The following BNC2 variants were observed in gnomAD, a reference collection of about 807,000 sequenced individuals.
BNC2 encodes zinc finger protein basonuclin-2.
Under a neutral mutation model 76.3 loss-of-function variants are expected in BNC2, and 20 were observed. The ratio of observed to expected loss-of-function variants is 0.26; its 90% CI spans 0.18 to 0.38. BNC2 has a LOEUF of 0.38. BNC2 is among the 10% of genes least tolerant of loss of function. The pLI, the probability that BNC2 is intolerant of heterozygous loss-of-function variation, is 1.00. For missense variants in BNC2, 1,382 were observed against 1,399.8 expected (o/e 0.99, Z 0.20); for synonymous variants, 582 against 514.8 (o/e 1.13, Z -1.77).
At chr9:16,622,387 CATG>C (rs1427792521) in intron 3 of BNC2, among the ~76,000 whole-genome samples, 1 of 152,130 alleles carries the variant, frequency 6.6e-6, no homozygotes, top group Non-Finnish European at 1.5e-5. Context: ...ACTTACTAAT[CATG>C]ATGAATAAAC....
chr9:16,732,168 G>GAA (rs1824525467), intron 2 of BNC2, among the ~76,000 whole-genome samples: 2 of 31,340 alleles, frequency 6.4e-5, no homozygotes, highest in African/African-American at 2.6e-4. Flanking sequence ...AAAAAAAAAA[G>GAA]AAAAAGAAAC....
chr9:16,697,818 G>A (rs948729219), intron 3 of BNC2, among the ~76,000 whole-genome samples: 1 of 152,036 alleles, frequency 6.6e-6, no homozygotes, highest in Non-Finnish European at 1.5e-5. Context: ...GAGCTGGTAT[G>A]AGAAGCTCCT....
At chr9:16,424,211 GA>G (rs1820761553) in intron 6 of BNC2, among the ~76,000 whole-genome samples, 1 of 149,784 alleles carries the variant, frequency 6.7e-6, no homozygotes, top group African/African-American at 2.5e-5. Flanking sequence ...ACTATCTAAA[GA>G]AAGTGTTTTG....
At chr9:16,677,207 G>C (rs73417969) in intron 3 of BNC2, among the ~76,000 whole-genome samples, 3 of 152,082 alleles carry the variant, frequency 2.0e-5, no homozygotes, top group Non-Finnish European at 4.4e-5. Context: ...CAATCTGTCC[G>C]ACAGTGTCAA....
chr9:16,815,551 A>G (rs1302403316), intron 1 of BNC2, among the ~76,000 whole-genome samples: 1 of 152,224 alleles, frequency 6.6e-6, no homozygotes, highest in East Asian at 1.9e-4. Flanking sequence ...AGATAAGTCA[A>G]TGATGATAGA....
intron 3 of BNC2, chr9:16,705,079 G>A (rs977620094): frequency 1.3e-5 from 2 of 152,240 alleles, no homozygotes; most frequent in Admixed American, 6.5e-5. Context: ...CTTCATGCTA[G>A]TGGGTAAAAT....
rs539262587 is a variant in BNC2, at chr9:16,411,501, G to C, written c.*7488C>G. Reference sequence around the variant, plus strand: ...TTAAGGGGAGAAAGCTAGTATCAGCGAGCAGAACTTGTGCAATTTTGGCAA... The same window carrying C: ...TTAAGGGGAGAAAGCTAGTATCAGCCAGCAGAACTTGTGCAATTTTGGCAA... On this transcript the variant is annotated 3_prime_UTR_variant, in exon 7 of 7. Coordinates refer to ENST00000380672, the MANE Select transcript of BNC2 (RefSeq NM_017637.6). 1 of 152,654 alleles carries C rather than the reference G, an allele frequency of 6.6e-6. No individual in the cohort carries two copies. The highest frequency in any genetic ancestry group is 2.4e-5 in the African/African-American group (1 of 41,532). 9.5% of individuals were successfully genotyped at this position (152,654 alleles called of 1,614,324 possible). A position where few individuals can be genotyped will look rare whatever the true frequency, so the allele number is the denominator to read the frequency against.
chr9:16,699,912 T>C (rs1265437706), intron 3 of BNC2, among the ~76,000 whole-genome samples: 6 of 152,240 alleles, frequency 3.9e-5, no homozygotes, highest in Non-Finnish European at 7.3e-5. Context: ...CTGTAATTTC[T>C]GGTTTATAAA....
intron 3 of BNC2, among the ~76,000 whole-genome samples, chr9:16,627,483 A>G (rs1821031674): frequency 1.3e-5 from 2 of 152,338 alleles, no homozygotes; most frequent in South Asian, 2.1e-4. Flanking sequence ...GCCAATATTC[A>G]ATGCGGCTCA....
chr9:16,723,500 T>C (rs199880468), intron 3 of BNC2, among the ~76,000 whole-genome samples: 13 of 32,864 alleles, frequency 4.0e-4, no homozygotes, highest in African/African-American at 9.2e-4. Flanking sequence ...CTCAAAAAAA[T>C]TGGGGGGGGG....
intron 5 of BNC2, among the ~76,000 whole-genome samples, chr9:16,490,368 G>A (rs759666749): frequency 1.3e-5 from 2 of 151,966 alleles, no homozygotes; most frequent in African/African-American, 2.4e-5. Flanking sequence ...GCAAGGGAAC[G>A]ACCAGCCCCC....
chr9:16,526,395 T>C (rs190633173), intron 5 of BNC2, among the ~76,000 whole-genome samples: 8 of 151,826 alleles, frequency 5.3e-5, no homozygotes, highest in Non-Finnish European at 1.2e-4. Flanking sequence ...ATTTACCTCC[T>C]TGGAGGATTT....
chr9:16,841,753 C>T (rs867282594), intron 1 of BNC2, among the ~76,000 whole-genome samples: 7 of 151,864 alleles, frequency 4.6e-5, no homozygotes, highest in South Asian at 2.1e-4. Flanking sequence ...TGCATGATGA[C>T]TGCCCATTGC....
chr9:16,597,399 G>C (rs1035988400), intron 3 of BNC2, among the ~76,000 whole-genome samples: 1 of 152,132 alleles, frequency 6.6e-6, no homozygotes, highest in African/African-American at 2.4e-5. Context: ...CAGTTGTACA[G>C]TGAAATTTTA....
intron 3 of BNC2, among the ~76,000 whole-genome samples, chr9:16,720,706 G>A (rs1278059296): frequency 2.0e-5 from 3 of 151,868 alleles, no homozygotes; most frequent in Non-Finnish European, 2.9e-5. Context: ...TTTTTTAATC[G>A]GAATGATGAT....
At chr9:16,423,133 C>G (rs544785269) in intron 6 of BNC2, among the ~76,000 whole-genome samples, 4 of 152,136 alleles carry the variant, frequency 2.6e-5, no homozygotes, top group Non-Finnish European at 5.9e-5. Context: ...AACAAAGAAT[C>G]CAACAAGGAA....
intron 3 of BNC2, among the ~76,000 whole-genome samples, chr9:16,689,729 T>C (rs1823096135): frequency 6.6e-6 from 1 of 151,314 alleles, no homozygotes; most frequent in South Asian, 2.1e-4. Context: ...GTACAAGCAC[T>C]GCCGGATTCC....
chr9:16,799,967 G>A (rs191845772), intron 1 of BNC2, among the ~76,000 whole-genome samples: 5 of 152,176 alleles, frequency 3.3e-5, no homozygotes, highest in African/African-American at 1.2e-4. Context: ...GCTCATGCCT[G>A]TAATCCCAGC....
chr9:16,593,628 C>T (rs1041439815), intron 3 of BNC2, among the ~76,000 whole-genome samples: 2 of 151,986 alleles, frequency 1.3e-5, no homozygotes, highest in Admixed American at 1.3e-4. Context: ...AATGAAAAGG[C>T]ATTTCAATTT....
Sources: gnomAD v4.1 joint callset for allele counts (sites outside exome capture counted in the v4.1 genomes callset) on GRCh38, gnomAD v4.1.1 for gene constraint, MANE v1.5 for transcripts, NCBI Gene and HGNC (gene_info 2026-07-23, HGNC 2026-07-21) for gene names.